The following ZNF438 variants were observed in gnomAD, a reference collection of about 807,000 sequenced individuals.
ZNF438 encodes the protein zinc finger protein 438.
ZNF438 carries 25 observed loss-of-function variants against 38.0 expected under a neutral mutation model. The ratio of observed to expected loss-of-function variants is 0.66; its 90% CI spans 0.48 to 0.92. The LOEUF (loss-of-function observed/expected upper bound fraction) is 0.92. Among genes scored for constraint, ZNF438 ranks in the 40% least tolerant of loss-of-function variants. ZNF438 has a pLI of 0.00. For missense variants in ZNF438, 1,007 were observed against 999.6 expected, an observed-to-expected ratio of 1.01 and a Z score of -0.10; for synonymous variants, 372 against 364.1, an observed-to-expected ratio of 1.02 and a Z score of -0.25.
At chr10:30,961,664 A>G (rs1004704579) in intron 1 of ZNF438, among the ~76,000 whole-genome samples, 1 of 146,064 alleles carries the variant, frequency 6.8e-6, no homozygotes, top group African/African-American at 2.4e-5. Context: ...AGGTGAGTGA[A>G]TCACTTGAGA....
At chr10:31,006,132 C>G (rs551152026) in intron 1 of ZNF438, among the ~76,000 whole-genome samples, 79 of 152,276 alleles carry the variant, frequency 5.2e-4, no homozygotes, top group African/African-American at 1.9e-3. Context: ...CTGCTAAAAT[C>G]CTTAGAATCT....
intron 1 of ZNF438, among the ~76,000 whole-genome samples, chr10:30,998,948 C>T (rs1425750422): frequency 6.6e-6 from 1 of 152,178 alleles, no homozygotes; most frequent in African/African-American, 2.4e-5. Context: ...AACATTTCAA[C>T]TGCATCTGTG....
At chr10:30,924,842 T>C (rs2044729883) in intron 2 of ZNF438, among the ~76,000 whole-genome samples, 1 of 152,214 alleles carries the variant, frequency 6.6e-6, no homozygotes, top group African/African-American at 2.4e-5. Context: ...AAAGTATCAG[T>C]AGAAAAACTG....
intron 1 of ZNF438, among the ~76,000 whole-genome samples, chr10:30,980,656 G>C (rs190536826): frequency 6.6e-6 from 1 of 152,270 alleles, no homozygotes; most frequent in African/African-American, 2.4e-5. Context: ...TCATGGGAGA[G>C]ACCAAAGTAA....
At chr10:30,857,472 C>T (rs2034855548) in intron 4 of ZNF438, among the ~76,000 whole-genome samples, 1 of 152,044 alleles carries the variant, frequency 6.6e-6, no homozygotes, top group Non-Finnish European at 1.5e-5. Context: ...CCAGGCTGGT[C>T]TTGAACTCCT....
intron 2 of ZNF438, among the ~76,000 whole-genome samples, chr10:30,918,332 A>G (rs1237542817): frequency 1.3e-5 from 2 of 152,104 alleles, no homozygotes; most frequent in East Asian, 3.9e-4. Context: ...TATGCTAGGG[A>G]TTATGTTGAA....
At chr10:30,912,996 T>C (rs182859774) in intron 2 of ZNF438, among the ~76,000 whole-genome samples, 8 of 152,206 alleles carry the variant, frequency 5.3e-5, no homozygotes, top group Non-Finnish European at 8.8e-5. Flanking sequence ...GATTTAAGGA[T>C]TAAATCTGTT....
chr10:30,891,991 C>T (rs1223835775), intron 3 of ZNF438, among the ~76,000 whole-genome samples: 1 of 152,134 alleles, frequency 6.6e-6, no homozygotes, highest in African/African-American at 2.4e-5. Flanking sequence ...ATAACTGATA[C>T]TTAGCAGCAA....
chr10:30,971,862 T>C (rs1300706375), intron 1 of ZNF438, among the ~76,000 whole-genome samples: 5 of 152,190 alleles, frequency 3.3e-5, no homozygotes, highest in Non-Finnish European at 7.3e-5. Context: ...TTTCAAAGTC[T>C]CGGAAGCCAT....
intron 1 of ZNF438, among the ~76,000 whole-genome samples, chr10:30,947,465 C>T (rs1328184939): frequency 1.3e-5 from 2 of 152,262 alleles, no homozygotes; most frequent in Non-Finnish European, 2.9e-5. Context: ...GCAGAGGTTA[C>T]TGCTGTCTTT....
At chr10:30,980,058 GA>G (rs1424287255) in intron 1 of ZNF438, among the ~76,000 whole-genome samples, 1 of 152,178 alleles carries the variant, frequency 6.6e-6, no homozygotes, top group East Asian at 1.9e-4. Flanking sequence ...GAAGCTAGCT[GA>G]TTACAAATGG....
At chr10:30,958,798 G>T (rs1589427769) in intron 1 of ZNF438, among the ~76,000 whole-genome samples, 1 of 146,846 alleles carries the variant, frequency 6.8e-6, no homozygotes, top group African/African-American at 2.4e-5. Context: ...TTTCATAAGT[G>T]AAATCATATA....
exon 5 of ZNF438, chr10:30,849,081 T>C (rs1022496511): frequency 6.2e-7 from 1 of 1,614,074 alleles, no homozygotes; most frequent in South Asian, 1.1e-5. Flanking sequence ...GGTATGACCA[T>C]GATAGGTTTG....
intron 4 of ZNF438, among the ~76,000 whole-genome samples, chr10:30,872,688 T>A (rs1429268540): frequency 6.9e-6 from 1 of 144,046 alleles, no homozygotes; most frequent in African/African-American, 2.6e-5. Context: ...AGGCGGAGCT[T>A]GCAGTGAGCC....
At chr10:30,863,059 CG>C (rs1243398202) in intron 4 of ZNF438, among the ~76,000 whole-genome samples, 3 of 152,004 alleles carry the variant, frequency 2.0e-5, no homozygotes, top group African/African-American at 7.2e-5. Flanking sequence ...TTTTGCTGCA[CG>C]TTTTTCTATA....
At chr10:30,917,669 C>A (rs2043808955) in intron 2 of ZNF438, among the ~76,000 whole-genome samples, 1 of 152,088 alleles carries the variant, frequency 6.6e-6, no homozygotes, top group Admixed American at 6.6e-5. Flanking sequence ...TCTGGTTGTT[C>A]CGCTTTTTGT....
rs115941107 is a variant in ZNF438, at chr10:30,914,571, T to C, written c.-114-5556A>G. On this transcript the variant is annotated intron_variant, in intron 2 of 5. Coordinates refer to ENST00000413025, the Ensembl canonical transcript of ZNF438. ...GTGTAAGCGGTGCATGGAACATATA[T>C]TATCTCTTGTAACTGCATGCAAATT... Among the ~76,000 whole-genome samples the C allele has an allele frequency of 5.3e-3, 810 of 152,128 alleles. 8 individuals are homozygous for C. The highest frequency in any genetic ancestry group is 0.019 in the African/African-American group (777 of 41,502).
intron 5 of ZNF438, among the ~76,000 whole-genome samples, chr10:30,848,007 AG>A (rs2132673370): frequency 6.6e-6 from 1 of 152,334 alleles, no homozygotes; most frequent in South Asian, 2.1e-4. Context: ...CTGGCCACAG[AG>A]GTTTCCGGCT....
chr10:30,900,221 CTTTGT>C (rs1244960626), intron 3 of ZNF438, among the ~76,000 whole-genome samples: 1 of 151,936 alleles, frequency 6.6e-6, no homozygotes, highest in Non-Finnish European at 1.5e-5. Context: ...AAATATCATC[CTTTGT>C]TTTTTTTCAA....
Sources: allele counts gnomAD v4.1 joint callset (sites outside exome capture counted in the v4.1 genomes callset), GRCh38; gene constraint gnomAD v4.1.1; transcripts MANE v1.5; gene names NCBI Gene and HGNC (gene_info 2026-07-23, HGNC 2026-07-21).